Variants in AR observed in about 807,000 individuals in gnomAD.
AR encodes androgen receptor, also known as dihydrotestosterone receptor.
A neutral mutation model predicts 53.9 loss-of-function variants in AR; 8 were observed. The ratio of observed to expected loss-of-function variants is 0.15; its 90% CI spans 0.09 to 0.27. The LOEUF is 0.27. Among genes scored for constraint, AR ranks in the 10% least tolerant of loss-of-function variants. The pLI is 1.00. For missense variants in AR, 639 were observed against 742.5 expected, an observed-to-expected ratio of 0.86 and a Z score of 1.62; for synonymous variants, 359 against 316.4, an observed-to-expected ratio of 1.13 and a Z score of -1.43.
At chrX:67,648,129 C>T (rs760220229) in intron 2 of AR, among the ~76,000 whole-genome samples, 15 of 111,279 alleles carry the variant, frequency 1.3e-4, no homozygotes, top group African/African-American at 4.9e-4. Flanking sequence ...GTTTGAACAA[C>T]TTGTTAGCAC....
chrX:67,562,781 T>A (rs954951331), intron 1 of AR, among the ~76,000 whole-genome samples: 1 of 111,484 alleles, frequency 9.0e-6, no homozygotes, highest in Non-Finnish European at 1.9e-5. Context: ...CACGGCCACA[T>A]AACATAGTTG....
intron 1 of AR, among the ~76,000 whole-genome samples, chrX:67,551,013 T>TTTG (rs1929978591): frequency 9.6e-6 from 1 of 103,974 alleles, no homozygotes; most frequent in Non-Finnish European, 2.0e-5. Context: ...TTTTTTTTTT[T>TTTG]TTTTTTTTTT....
At position 67,546,503 on chromosome X, in the gene AR, G is replaced by T. The variant is rs1188538722; in HGVS notation, c.1357G>T (p.Gly453Cys). 1.0e-6 allele frequency: 1 copy of T among 1,001,504 alleles called. No individual in the cohort carries two copies. Among genetic ancestry groups the T allele is most frequent in the South Asian group, 3.8e-5 (1 of 26,015 alleles). The allele number at this position is 1,001,504 out of a possible 1,213,427, so 82.5% of individuals were successfully genotyped here. A position where few individuals can be genotyped will look rare whatever the true frequency, so the allele number is the denominator to read the frequency against. The part of the protein sequence containing the change: ...EGQLYGPCGG[G>C]GGGGGGGGGG... ...CCAGTTGTATGGACCGTGTGGTGGT[G>T]GTGGGGGTGGTGGCGGCGGCGGCGG... Residue 453 changes from glycine (G) to cysteine (C), a missense_variant, in exon 1 of 8, where the codon GGT becomes TGT. By Grantham distance (159) the Gly-to-Cys change is radical (BLOSUM62 -3). Transcript: ENST00000374690.
chrX:67,619,159 A>G (rs1282002637), intron 1 of AR, among the ~76,000 whole-genome samples: 3 of 111,415 alleles, frequency 2.7e-5, no homozygotes, highest in Non-Finnish European at 5.7e-5. Flanking sequence ...TGTAAGCCAT[A>G]GGTAGTTATT....
intron 2 of AR, among the ~76,000 whole-genome samples, chrX:67,646,754 A>G (rs1926076794): frequency 9.0e-6 from 1 of 111,165 alleles, no homozygotes; most frequent in African/African-American, 3.3e-5. Context: ...ATATTTTAAA[A>G]TGTGCTTCCA....
chrX:67,671,088 A>C (rs2075862455), intron 2 of AR, among the ~76,000 whole-genome samples: 1 of 112,143 alleles, frequency 8.9e-6, no homozygotes, highest in African/African-American at 3.2e-5. Context: ...TTTATAGAAG[A>C]ATGATTTATA....
At chrX:67,717,686 T>C (rs2076119378) in intron 5 of AR, 64 bp downstream of exon 5, 7 of 1,175,685 alleles carry the variant, frequency 6.0e-6, no homozygotes, top group Non-Finnish European at 6.9e-6. Flanking sequence ...TGGTTGGTGG[T>C]GATGGTGATG....
At chrX:67,669,331 C>T (rs1927424975) in intron 2 of AR, among the ~76,000 whole-genome samples, 1 of 110,641 alleles carries the variant, frequency 9.0e-6, no homozygotes, top group African/African-American at 3.3e-5. Context: ...GTTTAATTTC[C>T]ATGTGGTTTG....
chrX:67,668,248 G>T (rs1191117584), intron 2 of AR, among the ~76,000 whole-genome samples: 1 of 111,476 alleles, frequency 9.0e-6, no homozygotes, highest in Non-Finnish European at 1.9e-5. Context: ...CTAGTTTTTT[G>T]AAGGTTTTTA....
At chrX:67,599,977 A>T (rs1222053343) in intron 1 of AR, among the ~76,000 whole-genome samples, 2 of 111,850 alleles carry the variant, frequency 1.8e-5, no homozygotes, top group Non-Finnish European at 3.8e-5. Flanking sequence ...ATATACCAAC[A>T]TATTATATAG....
chrX:67,649,652 T>C (rs1328475425), intron 2 of AR, among the ~76,000 whole-genome samples: 1 of 112,541 alleles, frequency 8.9e-6, no homozygotes, highest in African/African-American at 3.2e-5. Context: ...TTTCATATGT[T>C]TGTTGGCCGC....
At chrX:67,696,032 T>G (rs1039585193) in intron 3 of AR, 25 of 750,275 alleles carry the variant, frequency 3.3e-5, no homozygotes, top group Non-Finnish European at 3.8e-5. Flanking sequence ...ATGTTGCATA[T>G]TTCTACTAGT....
intron 1 of AR, among the ~76,000 whole-genome samples, chrX:67,603,820 G>A (rs1487699950): frequency 2.7e-5 from 3 of 111,377 alleles, no homozygotes; most frequent in Non-Finnish European, 3.8e-5. Context: ...GCTGGAGACA[G>A]GGAGCACATT....
chrX:67,561,635 C>T (rs1324026645), intron 1 of AR, among the ~76,000 whole-genome samples: 1 of 111,047 alleles, frequency 9.0e-6, no homozygotes, highest in Admixed American at 9.6e-5. Flanking sequence ...GAACCATGCC[C>T]CTTCAAATAC....
At position 67,634,607 on chromosome X, in the gene AR, C is replaced by T. The variant is rs1282920313; in HGVS notation, c.1617-8649C>T. ...AATTGAAAAGCTATGAACTAAATTT[C>T]GGTAATACTTTTAATAGTAAACATT... is the stretch of plus-strand genomic sequence containing the variant. On this transcript the variant is annotated intron_variant, in intron 1 of 7. Transcript: ENST00000374690. Among the ~76,000 whole-genome samples the T allele has an allele frequency of 5.4e-5, 6 of 111,507 alleles. 1 individual carries two copies. The highest frequency in any genetic ancestry group is 3.8e-4 in the Admixed American group (4 of 10,419).
At chrX:67,716,855 G>A (rs780567871) in intron 4 of AR, among the ~76,000 whole-genome samples, 1 of 111,802 alleles carries the variant, frequency 8.9e-6, no homozygotes, top group African/African-American at 3.3e-5. Context: ...TTGTTAAACT[G>A]CATCTTTGGA....
chrX:67,586,956 T>G (rs1602173587), intron 1 of AR, among the ~76,000 whole-genome samples: 1 of 112,345 alleles, frequency 8.9e-6, no homozygotes, highest in Admixed American at 9.4e-5. Context: ...GCTTGCCAAG[T>G]GAGAATATTA....
At chrX:67,587,975 G>A (rs777563525) in intron 1 of AR, among the ~76,000 whole-genome samples, 2 of 109,874 alleles carry the variant, frequency 1.8e-5, no homozygotes, top group East Asian at 5.8e-4. Context: ...GAAATGCACT[G>A]CTCTTGCAAG....
chrX:67,576,672 A>G (rs1922060695), intron 1 of AR, among the ~76,000 whole-genome samples: 1 of 110,667 alleles, frequency 9.0e-6, no homozygotes, highest in African/African-American at 3.3e-5. Flanking sequence ...CACCAGAAAT[A>G]AAGGATTTTA....
Sources: gnomAD v4.1 joint callset for allele counts (sites outside exome capture counted in the v4.1 genomes callset) on GRCh38, gnomAD v4.1.1 for gene constraint, MANE v1.5 for transcripts, NCBI Gene and HGNC (gene_info 2026-07-23, HGNC 2026-07-21) for gene names.